The following NCAM2 variants were observed in gnomAD, a reference collection of about 807,000 sequenced individuals.
NCAM2 encodes the protein neural cell adhesion molecule 2.
Under a neutral mutation model 98.1 loss-of-function variants are expected in NCAM2, and 30 were observed. That is an observed-to-expected ratio of 0.31 (90% CI 0.23 to 0.41). NCAM2 has a LOEUF of 0.41. Ranked by LOEUF, NCAM2 falls within the 10% of genes least tolerant of loss-of-function variation. NCAM2 has a pLI of 1.00. For missense variants in NCAM2, 867 were observed against 1,005.8 expected (o/e 0.86, Z 1.87); for synonymous variants, 368 against 342.4 (o/e 1.07, Z -0.83).
chr21:21,382,663 G>A (rs530168771), intron 9 of NCAM2, among the ~76,000 whole-genome samples: 18 of 151,782 alleles, frequency 1.2e-4, no homozygotes, highest in African/African-American at 3.4e-4. Flanking sequence ...TTACAGGTGC[G>A]TGCCACCATG....
chr21:21,308,428 C>T (rs1383185805), intron 5 of NCAM2, among the ~76,000 whole-genome samples: 1 of 152,018 alleles, frequency 6.6e-6, no homozygotes, highest in Non-Finnish European at 1.5e-5. Context: ...TTTTTCAGTA[C>T]TATAAACATT....
intron 1 of NCAM2, among the ~76,000 whole-genome samples, chr21:21,070,958 A>G (rs1258623063): frequency 1.3e-5 from 2 of 152,044 alleles, no homozygotes; most frequent in African/African-American, 4.8e-5. Context: ...GGATGACAGT[A>G]ACATTAAACA....
chr21:21,487,215 G>T (rs542589445), intron 15 of NCAM2, among the ~76,000 whole-genome samples: 76 of 152,116 alleles, frequency 5.0e-4, no homozygotes, highest in African/African-American at 1.8e-3. Context: ...CAATACTGTT[G>T]TTATATGCAG....
chr21:21,518,753 A>G (rs958083593), intron 16 of NCAM2, among the ~76,000 whole-genome samples: 1 of 152,248 alleles, frequency 6.6e-6, no homozygotes, highest in Non-Finnish European at 1.5e-5. Context: ...ATGCCAGGTT[A>G]TAAGCACTTT....
chr21:21,511,869 C>T (rs533524227), intron 16 of NCAM2, among the ~76,000 whole-genome samples: 2 of 151,936 alleles, frequency 1.3e-5, no homozygotes, highest in South Asian at 4.1e-4. Flanking sequence ...TTTTTGTATA[C>T]TTGCTGTCTA....
chr21:21,455,798 A>G (rs1011629410), intron 12 of NCAM2, among the ~76,000 whole-genome samples: 1 of 152,022 alleles, frequency 6.6e-6, no homozygotes, highest in Admixed American at 6.6e-5. Flanking sequence ...AGAAAGAAAC[A>G]TAAATGTTTC....
At chr21:21,274,739 G>C (rs988659981) in intron 1 of NCAM2, among the ~76,000 whole-genome samples, 2 of 152,096 alleles carry the variant, frequency 1.3e-5, no homozygotes, top group African/African-American at 2.4e-5. Context: ...AATAAAAAAA[G>C]TGCTTGTTGA....
chr21:21,520,618 C>G (rs1029621961), intron 16 of NCAM2, among the ~76,000 whole-genome samples: 4 of 152,174 alleles, frequency 2.6e-5, no homozygotes, highest in Non-Finnish European at 5.9e-5. Flanking sequence ...AGTTGCCACT[C>G]TCTCCTAACA....
intron 6 of NCAM2, among the ~76,000 whole-genome samples, chr21:21,334,502 T>A (rs1038209702): frequency 2.6e-5 from 4 of 152,152 alleles, no homozygotes; most frequent in Admixed American, 6.5e-5. Flanking sequence ...GAGATTTTTT[T>A]AAATTTACAA....
chr21:21,265,039 G>GTGTCTGTTTATATATA (rs1568855457), intron 1 of NCAM2, among the ~76,000 whole-genome samples: 1 of 44,806 alleles, frequency 2.2e-5, no homozygotes, highest in Non-Finnish European at 4.8e-5. Flanking sequence ...GTGTATATAT[G>GTGTCTGTTTATATATA]TACACATATA....
At chr21:21,498,867 G>A (rs991226131) in intron 15 of NCAM2, among the ~76,000 whole-genome samples, 8 of 152,234 alleles carry the variant, frequency 5.3e-5, no homozygotes, top group East Asian at 1.9e-4. Context: ...ACGTAATAAT[G>A]TACTAGGGGG....
chr21:21,306,592 T>C (rs2073886458), intron 5 of NCAM2, among the ~76,000 whole-genome samples: 1 of 152,148 alleles, frequency 6.6e-6, no homozygotes, highest in Non-Finnish European at 1.5e-5. Context: ...TATATATTTA[T>C]GGGGTACATG....
At chr21:21,519,971 G>T (rs993558913) in intron 16 of NCAM2, among the ~76,000 whole-genome samples, 2 of 152,022 alleles carry the variant, frequency 1.3e-5, no homozygotes, top group Non-Finnish European at 2.9e-5. Context: ...ATTAAGATCA[G>T]TGTCATAGAG....
intron 1 of NCAM2, among the ~76,000 whole-genome samples, chr21:21,087,738 A>T (rs1211917238): frequency 1.3e-5 from 2 of 152,232 alleles, no homozygotes; most frequent in East Asian, 3.9e-4. Context: ...GGTACTAAGG[A>T]TGCGTCTCAT....
chr21:21,301,557 C>T (rs1192401771), intron 5 of NCAM2, among the ~76,000 whole-genome samples: 1 of 109,032 alleles, frequency 9.2e-6, no homozygotes, highest in African/African-American at 3.6e-5. Context: ...CACCACAGTC[C>T]CCAGAGTGTG....
chr21:21,197,870 A>G (rs530215251), intron 1 of NCAM2, among the ~76,000 whole-genome samples: 2 of 152,308 alleles, frequency 1.3e-5, no homozygotes, highest in South Asian at 4.1e-4. Flanking sequence ...CCAAAATATC[A>G]TTTAGCCATT....
chr21:21,110,627 C>T (rs2066435460), intron 1 of NCAM2, among the ~76,000 whole-genome samples: 1 of 150,476 alleles, frequency 6.6e-6, no homozygotes, highest in Non-Finnish European at 1.5e-5. Context: ...TTTCATGAGA[C>T]TACCAGGGAA....
At chr21:21,411,026 A>C (rs2076848727) in intron 10 of NCAM2, among the ~76,000 whole-genome samples, 1 of 97,992 alleles carries the variant, frequency 1.0e-5, no homozygotes, top group African/African-American at 4.2e-5. Flanking sequence ...ATATATATAT[A>C]TATATACACA....
intron 1 of NCAM2, among the ~76,000 whole-genome samples, chr21:21,053,482 T>A (rs140339211): frequency 2.8e-3 from 425 of 151,940 alleles, no homozygotes; most frequent in African/African-American, 9.8e-3. Flanking sequence ...TTGTGTGTTG[T>A]CTTTGTTTTG....
Sources: gnomAD v4.1 joint callset for allele counts (sites outside exome capture counted in the v4.1 genomes callset) on GRCh38, gnomAD v4.1.1 for gene constraint, MANE v1.5 for transcripts, NCBI Gene and HGNC (gene_info 2026-07-23, HGNC 2026-07-21) for gene names.